Variants in UBE2E2 observed in about 807,000 individuals in gnomAD.
UBE2E2 encodes the protein ubiquitin-conjugating enzyme E2 E2.
A neutral mutation model predicts 24.7 loss-of-function variants in UBE2E2; 6 were observed. That is an observed-to-expected ratio of 0.24 (90% CI 0.13 to 0.48). The LOEUF (loss-of-function observed/expected upper bound fraction) is 0.48, where lower values mean the gene tolerates loss of function less well. Ranked by LOEUF, UBE2E2 falls within the 20% of genes least tolerant of loss-of-function variation. The probability of loss-of-function intolerance (pLI) is 0.99; values close to 1 mark genes in which losing one functional copy is unlikely to be tolerated. For synonymous variants in UBE2E2, 104 were observed against 83.6 expected, an observed-to-expected ratio of 1.24 and a Z score of -1.33; for missense variants, 169 against 245.0, an observed-to-expected ratio of 0.69 and a Z score of 2.07.
chr3:23,371,128 C>CA (rs1696389022), intron 3 of UBE2E2, among the ~76,000 whole-genome samples: 1 of 152,122 alleles, frequency 6.6e-6, no homozygotes, highest in East Asian at 1.9e-4. Context: ...CTCCTGGGCT[C>CA]AAGTGATCCT....
chr3:23,246,321 C>T (rs537279542), intron 3 of UBE2E2, among the ~76,000 whole-genome samples: 4 of 148,842 alleles, frequency 2.7e-5, no homozygotes, highest in East Asian at 3.9e-4. Flanking sequence ...CCCAGGTTCA[C>T]GCCATTGACC....
chr3:23,345,953 G>A (rs1006864232), intron 3 of UBE2E2, among the ~76,000 whole-genome samples: 1 of 152,102 alleles, frequency 6.6e-6, no homozygotes, highest in South Asian at 2.1e-4. Context: ...CTCACCAACG[G>A]CAGACAGCAG....
At position 23,583,960 on chromosome 3, in the gene UBE2E2, G is replaced by C. The variant is rs1260030282; in HGVS notation, c.509-5774G>C. Among the ~76,000 whole-genome samples the C allele has an allele frequency of 2.0e-5, 3 of 152,262 alleles. No individual in the cohort carries two copies. Among genetic ancestry groups the C allele is most frequent in the Non-Finnish European group, 4.4e-5 (3 of 68,010 alleles). ...AAGAATTCCAGTGTAATATTGACTAGGAGTAGTGAGAGAGGGCATCCTTGA... is the reference window on the plus strand; with the variant it reads ...AAGAATTCCAGTGTAATATTGACTACGAGTAGTGAGAGAGGGCATCCTTGA... On this transcript the variant is annotated intron_variant, in intron 5 of 5. Transcript: ENST00000396703. The surrounding 1 kb of genome is among the most constrained non-coding windows in gnomAD (Gnocchi z 4.1).
At chr3:23,326,157 C>T (rs1165544783) in intron 3 of UBE2E2, among the ~76,000 whole-genome samples, 1 of 152,152 alleles carries the variant, frequency 6.6e-6, no homozygotes, top group Non-Finnish European at 1.5e-5. Flanking sequence ...CTGCAACCTC[C>T]ACCCCTGGGG....
intron 3 of UBE2E2, among the ~76,000 whole-genome samples, chr3:23,383,681 G>T (rs1173778850): frequency 1.3e-5 from 2 of 151,956 alleles, no homozygotes; most frequent in Non-Finnish European, 2.9e-5. Flanking sequence ...TAACTTGCTT[G>T]TAAATTTGGA....
intron 3 of UBE2E2, among the ~76,000 whole-genome samples, chr3:23,227,486 T>A (rs1696858857): frequency 6.6e-6 from 1 of 152,234 alleles, no homozygotes; most frequent in Non-Finnish European, 1.5e-5. Context: ...ATTAACATGA[T>A]AAAATTTAAA....
intron 3 of UBE2E2, among the ~76,000 whole-genome samples, chr3:23,298,670 TG>T (rs1698982074): frequency 6.6e-6 from 1 of 151,854 alleles, no homozygotes. Flanking sequence ...CTTTTTGATG[TG>T]CTGCTGGATT....
intron 3 of UBE2E2, among the ~76,000 whole-genome samples, chr3:23,259,051 T>A (rs910946962): frequency 1.3e-5 from 2 of 152,152 alleles, no homozygotes; most frequent in African/African-American, 4.8e-5. Flanking sequence ...TAACCAATTT[T>A]ATACAGGTGA....
intron 3 of UBE2E2, among the ~76,000 whole-genome samples, chr3:23,441,958 C>T (rs558949484): frequency 2.6e-5 from 4 of 152,068 alleles, no homozygotes; most frequent in Non-Finnish European, 2.9e-5. Flanking sequence ...ATTACAAAGC[C>T]TTGCTTTGTG....
intron 3 of UBE2E2, among the ~76,000 whole-genome samples, chr3:23,282,037 T>G (rs1382153344): frequency 6.6e-6 from 1 of 152,228 alleles, no homozygotes; most frequent in African/African-American, 2.4e-5. Flanking sequence ...TTTTGAAATT[T>G]GGTCACTTAC....
At chr3:23,319,847 AAAAAACCC>A (rs1190157427) in intron 3 of UBE2E2, among the ~76,000 whole-genome samples, 1 of 151,918 alleles carries the variant, frequency 6.6e-6, no homozygotes, top group African/African-American at 2.4e-5. Context: ...AAAAAACAAA[AAAAAACCC>A]AAAAAACCAA....
intron 3 of UBE2E2, among the ~76,000 whole-genome samples, chr3:23,369,831 T>C (rs1041472782): frequency 2.0e-5 from 3 of 152,228 alleles, no homozygotes; most frequent in African/African-American, 7.2e-5. Flanking sequence ...GTTTTATAAT[T>C]CTGGTCTAGT....
chr3:23,376,501 T>C (rs1457328667), intron 3 of UBE2E2, among the ~76,000 whole-genome samples: 3 of 152,200 alleles, frequency 2.0e-5, no homozygotes, highest in Non-Finnish European at 4.4e-5. Flanking sequence ...ATTAAAGGCG[T>C]TGCCCAATTA....
intron 3 of UBE2E2, among the ~76,000 whole-genome samples, chr3:23,324,438 T>C (rs1231153481): frequency 2.0e-5 from 3 of 152,108 alleles, no homozygotes; most frequent in Non-Finnish European, 4.4e-5. Flanking sequence ...GAAGGTGTAA[T>C]TAGTGTCTGG....
At chr3:23,232,323 G>T (rs147035207) in intron 3 of UBE2E2, among the ~76,000 whole-genome samples, 1 of 152,158 alleles carries the variant, frequency 6.6e-6, no homozygotes, top group African/African-American at 2.4e-5. Flanking sequence ...CCATCACTTT[G>T]CTAGGTCTCA....
chr3:23,283,965 GA>G (rs376210191), intron 3 of UBE2E2, among the ~76,000 whole-genome samples: 113 of 152,226 alleles, frequency 7.4e-4, no homozygotes, highest in African/African-American at 2.2e-3. Context: ...GTTTGAAAAA[GA>G]ATATGGATAA....
chr3:23,322,886 A>G (rs1338118427), intron 3 of UBE2E2, among the ~76,000 whole-genome samples: 1 of 151,904 alleles, frequency 6.6e-6, no homozygotes, highest in East Asian at 1.9e-4. Flanking sequence ...TTTAGCCTTA[A>G]CTTAGCTGTA....
intron 3 of UBE2E2, among the ~76,000 whole-genome samples, chr3:23,430,210 C>A (rs1300478203): frequency 1.3e-5 from 2 of 152,170 alleles, no homozygotes; most frequent in African/African-American, 4.8e-5. Context: ...ATCTCTGCCA[C>A]CTTCTATAAT....
At chr3:23,512,916 T>G (rs181413588) in intron 4 of UBE2E2, among the ~76,000 whole-genome samples, 2 of 149,860 alleles carry the variant, frequency 1.3e-5, no homozygotes, top group Non-Finnish European at 3.0e-5. Context: ...GAGCAGGACC[T>G]TGACCATACA....
Sources: gnomAD v4.1 joint callset for allele counts (sites outside exome capture counted in the v4.1 genomes callset) on GRCh38, gnomAD v4.1.1 for gene constraint, Gnocchi (gnomAD v3.1) non-coding constraint, MANE v1.5 for transcripts, NCBI Gene and HGNC (gene_info 2026-07-23, HGNC 2026-07-21) for gene names.